Variants in SLC28A1 observed in about 807,000 individuals in gnomAD.
SLC28A1 encodes sodium/nucleoside cotransporter 1.
In SLC28A1, 64 loss-of-function variants were observed where a neutral mutation model predicts 74.8. That is an observed-to-expected ratio of 0.86 (90% CI 0.70 to 1.05). The LOEUF (loss-of-function observed/expected upper bound fraction) is 1.05. SLC28A1 is among the 50% of genes least tolerant of loss of function. SLC28A1 has a pLI of 0.00. For missense variants in SLC28A1, 828 were observed against 822.8 expected (o/e 1.01, Z -0.08); for synonymous variants, 359 against 335.0 (o/e 1.07, Z -0.78).
intron 8 of SLC28A1, among the ~76,000 whole-genome samples, chr15:84,908,403 C>T (rs959648494): frequency 3.9e-5 from 6 of 152,118 alleles, no homozygotes; most frequent in South Asian, 4.1e-4. Context: ...AAGCTGGTTT[C>T]GAACTCCTGA....
At chr15:84,918,781 C>T (rs538494728) in intron 10 of SLC28A1, among the ~76,000 whole-genome samples, 177 bp downstream of exon 10, 76 of 151,890 alleles carry the variant, frequency 5.0e-4, no homozygotes, top group Admixed American at 5.0e-3. Flanking sequence ...GAATCCCCAG[C>T]TGCCAAGTTC....
intron 8 of SLC28A1, among the ~76,000 whole-genome samples, chr15:84,907,768 C>G (rs1967455643): frequency 6.6e-6 from 1 of 152,168 alleles, no homozygotes; most frequent in South Asian, 2.1e-4. Context: ...CTTGCAGTTC[C>G]CTGTGCTCTG....
chr15:84,906,575 TTCCTTCCTTCCTTC>T (rs1567140822), intron 8 of SLC28A1, among the ~76,000 whole-genome samples: 22 of 39,574 alleles, frequency 5.6e-4, no homozygotes, highest in Admixed American at 1.6e-3. Context: ...TCTTTCTTTC[TTCCTTCCTTCCTTC>T]CTTCCTTCCT....
intron 15 of SLC28A1, among the ~76,000 whole-genome samples, chr15:84,936,142 A>G (rs1971899224): frequency 6.6e-6 from 1 of 150,832 alleles, no homozygotes; most frequent in African/African-American, 2.5e-5. Flanking sequence ...TTTTTAGTAG[A>G]GACGGGGTTT....
chr15:84,932,994 T>G lies in SLC28A1; in HGVS notation c.1084-151T>G, dbSNP rs201551970. The G allele has an allele frequency of 4.9e-5, 12 of 246,702 alleles. 1 individual carries two copies. Among genetic ancestry groups the G allele is most frequent in the South Asian group, 2.7e-4 (3 of 11,080 alleles). The allele number at this position is 246,702 out of a possible 1,614,324, so 15.3% of individuals were successfully genotyped here. ...TGTGACCTTCTACACATAAAAGGTATTATTATTATTAGTGATGACAGCAGT... is the reference window on the plus strand; with the variant it reads ...TGTGACCTTCTACACATAAAAGGTAGTATTATTATTAGTGATGACAGCAGT... On this transcript the variant is annotated intron_variant, in intron 12 of 18. Transcript: ENST00000394573.
At chr15:84,926,067 TATATA>T (rs1038352153) in intron 12 of SLC28A1, among the ~76,000 whole-genome samples, 1 of 140,502 alleles carries the variant, frequency 7.1e-6, no homozygotes, top group African/African-American at 2.9e-5. Context: ...TTTTATTCTA[TATATA>T]ATATTTTATT....
rs930785888 is a variant in SLC28A1, at chr15:84,943,328, A to C, written c.1582-117A>C. ...GGGGAAGCGGCAGCACAGAGGACTC[A>C]AAGGTCAATTACATGTAAGAAGTGG... On this transcript the variant is annotated intron_variant, in intron 15 of 18. Transcript: ENST00000394573. 5 of 752,918 alleles carry C rather than the reference A, an allele frequency of 6.6e-6. No homozygotes were observed. The Admixed American group carries it at 9.8e-5, about 15-fold the overall frequency. The allele number at this position is 752,918 out of a possible 1,614,324, so 46.6% of individuals were successfully genotyped here.
chr15:84,942,340 T>C (rs1225510859), intron 15 of SLC28A1, among the ~76,000 whole-genome samples: 1 of 152,254 alleles, frequency 6.6e-6, no homozygotes, highest in Non-Finnish European at 1.5e-5. Flanking sequence ...TTACTGACTA[T>C]AGTCACCCTG....
the SLC28A1 span, among the ~76,000 whole-genome samples, chr15:84,970,441 TCTATA>T: frequency 6.6e-6 from 1 of 151,944 alleles, no homozygotes; most frequent in African/African-American, 2.4e-5. Flanking sequence ...ATGGGAAGGG[TCTATA>T]CAGGACAGGA....
the SLC28A1 span, among the ~76,000 whole-genome samples, chr15:84,967,895 A>C: frequency 6.6e-6 from 1 of 152,174 alleles, no homozygotes; most frequent in Non-Finnish European, 1.5e-5. Flanking sequence ...AGGCAGGGTT[A>C]GGGACAGACG....
chr15:84,937,439 G>C (rs1029767988), intron 15 of SLC28A1, among the ~76,000 whole-genome samples: 3 of 152,104 alleles, frequency 2.0e-5, no homozygotes, highest in Admixed American at 1.3e-4. Flanking sequence ...AAACAGCATC[G>C]GGTAGCTTCT....
downstream of SLC28A1, among the ~76,000 whole-genome samples, chr15:84,947,445 C>A (rs527923743): frequency 6.6e-6 from 1 of 152,358 alleles, no homozygotes; most frequent in South Asian, 2.1e-4. Context: ...CATTCTGTGG[C>A]CAGTGGCCTT....
intron 1 of SLC28A1, among the ~76,000 whole-genome samples, chr15:84,885,656 G>A (rs1350428594): frequency 1.3e-5 from 2 of 151,446 alleles, no homozygotes; most frequent in African/African-American, 2.4e-5. Flanking sequence ...GCTTGAACTT[G>A]GGAGGCGGAG....
Position 84,895,016 on chromosome 15 carries a change from G to T in SLC28A1, c.354G>T (p.Val118=). 1 of 1,614,210 alleles carries T rather than the reference G, an allele frequency of 6.2e-7. No homozygotes were observed. The highest frequency in any genetic ancestry group is 8.5e-7 in the Non-Finnish European group (1 of 1,180,044). ...RALALFVLTC[V]VLTFLGHRLL... ...TGGCTCTGTTTGTCCTCACCTGTGTGGTCCTCACCTTCCTGGGCCACCGCC... is the reference window on the plus strand; with the variant it reads ...TGGCTCTGTTTGTCCTCACCTGTGTTGTCCTCACCTTCCTGGGCCACCGCC... The change falls in exon 6 of 19, where the codon GTG becomes GTT. Residue 118 remains valine, a synonymous_variant. Coordinates refer to ENST00000394573, the MANE Select transcript of SLC28A1 (RefSeq NM_004213.5).
chr15:84,924,262 G>A, intron 12 of SLC28A1, 152 bp downstream of exon 12: 2 of 962,994 alleles, frequency 2.1e-6, no homozygotes, highest in Non-Finnish European at 3.3e-6. Flanking sequence ...TGAGCCCAGT[G>A]GGCTGGACCA....
chr15:84,905,931 T>TA (rs1275468638), intron 8 of SLC28A1, among the ~76,000 whole-genome samples: 449 of 141,068 alleles, frequency 3.2e-3, no homozygotes, highest in African/African-American at 9.4e-3. Flanking sequence ...TTAAAAGTGC[T>TA]AAAAAAAAAA....
chr15:84,963,651 C>T, the SLC28A1 span, among the ~76,000 whole-genome samples: 1 of 152,168 alleles, frequency 6.6e-6, no homozygotes, highest in South Asian at 2.1e-4. Context: ...GTCTATCAGC[C>T]ATTGTACACC....
chr15:84,967,281 CA>C, the SLC28A1 span, among the ~76,000 whole-genome samples: 1 of 152,182 alleles, frequency 6.6e-6, no homozygotes, highest in South Asian at 2.1e-4. Flanking sequence ...ACAGGTGCTT[CA>C]GGGGCTGCCT....
the SLC28A1 span, among the ~76,000 whole-genome samples, chr15:84,972,538 G>A: frequency 2.6e-4 from 39 of 152,282 alleles, no homozygotes; most frequent in Middle Eastern, 0.01. Context: ...CTGCAATTGT[G>A]TTCATTACCA....
Sources: allele counts gnomAD v4.1 joint callset (sites outside exome capture counted in the v4.1 genomes callset), GRCh38; gene constraint gnomAD v4.1.1; transcripts MANE v1.5; gene names NCBI Gene and HGNC (gene_info 2026-07-23, HGNC 2026-07-21).